ZNF177: variants seen among roughly 807,000 people sequenced by gnomAD.
The protein encoded by ZNF177 is zinc finger protein 177.
A neutral mutation model predicts 19.4 loss-of-function variants in ZNF177; 17 were observed. The ratio of observed to expected loss-of-function variants is 0.87; its 90% CI spans 0.60 to 1.31. The LOEUF (loss-of-function observed/expected upper bound fraction) is 1.31, where lower values mean the gene tolerates loss of function less well. Among genes scored for constraint, ZNF177 ranks in the 40% most tolerant of loss-of-function variants. The probability of loss-of-function intolerance (pLI) is 0.00; values close to 1 mark genes in which losing one functional copy is unlikely to be tolerated. For missense variants in ZNF177, 633 were observed against 561.8 expected (o/e 1.13, Z -1.28); for synonymous variants, 220 against 188.7 (o/e 1.17, Z -1.36).
chr19:9,371,410 G>C (rs1037935707), intron 2 of ZNF177, among the ~76,000 whole-genome samples: 4 of 151,904 alleles, frequency 2.6e-5, no homozygotes, highest in Non-Finnish European at 4.4e-5. Flanking sequence ...ATCATATATG[G>C]ATTTTGCTGA....
At chr19:9,382,390 A>G (rs2068215526), downstream of ZNF177, 1 of 398,908 alleles carries the variant, frequency 2.5e-6, no homozygotes, top group Non-Finnish European at 4.4e-6. Context: ...CCTAGAAAAT[A>G]TATACACCAA....
At chr19:9,382,353 A>G, downstream of ZNF177, 1 of 399,044 alleles carries the variant, frequency 2.5e-6, no homozygotes, top group East Asian at 3.6e-5. Flanking sequence ...TTTCTTAACT[A>G]TTTGCCCTTT....
At chr19:9,369,715 A>C (rs1456736357) in intron 2 of ZNF177, among the ~76,000 whole-genome samples, 1 of 151,466 alleles carries the variant, frequency 6.6e-6, no homozygotes, top group African/African-American at 2.4e-5. Flanking sequence ...TTTTTTTTTA[A>C]CCTAATTCCA....
intron 4 of ZNF177, 97 bp downstream of exon 6, chr19:9,379,716 C>T (rs962514601): frequency 2.9e-6 from 4 of 1,373,150 alleles, no homozygotes; most frequent in African/African-American, 1.5e-5. Context: ...GAGGCCATGA[C>T]ATGAGCTTCC....
At chr19:9,374,832 G>A (rs956397632), upstream of ZNF177, among the ~76,000 whole-genome samples, 1 of 151,846 alleles carries the variant, frequency 6.6e-6, no homozygotes. Context: ...CAACGTAGAC[G>A]CCTTTTGTTT....
chr19:9,366,580 AGT>A (rs2067983217), intron 2 of ZNF177, among the ~76,000 whole-genome samples: 1 of 152,176 alleles, frequency 6.6e-6, no homozygotes, highest in Non-Finnish European at 1.5e-5. Flanking sequence ...GTCAAATGAT[AGT>A]CCATTGTATG....
At chr19:9,380,997 T>A (rs773508886) in exon 6 of ZNF177, 56 of 1,568,578 alleles carry the variant, frequency 3.6e-5, no homozygotes, top group African/African-American at 6.8e-5. Flanking sequence ...GCTCAGTACG[T>A]GAGCAAATAC....
At chr19:9,366,697 T>TA (rs2067984900) in intron 2 of ZNF177, among the ~76,000 whole-genome samples, 1 of 152,218 alleles carries the variant, frequency 6.6e-6, no homozygotes, top group South Asian at 2.1e-4. Flanking sequence ...TTCTCTTGGG[T>TA]ATATACCTAG....
chr19:9,368,390 G>C (rs945523859), intron 2 of ZNF177, among the ~76,000 whole-genome samples: 4 of 152,100 alleles, frequency 2.6e-5, no homozygotes, highest in African/African-American at 9.7e-5. Context: ...TTTATTTCCT[G>C]AAAGTTTTGA....
At position 9,381,387 on chromosome 19, in the gene ZNF177, T is replaced by TTCATCCC; in HGVS notation, c.1058_1064dup (p.Gln356IlefsTer16). The TTCATCCC allele has an allele frequency of 6.2e-7, 1 of 1,612,528 alleles. No individual in the cohort carries two copies. Among genetic ancestry groups the TTCATCCC allele is most frequent in the Non-Finnish European group, 8.5e-7 (1 of 1,179,654 alleles). ...AATGTGGGAAGGCTTTCACTGTTCC[T>TTCATCCC]TCATCCCTTCAGAAACATGTGAGAA... is the stretch of plus-strand genomic sequence containing the variant. On this transcript the variant is annotated frameshift_variant, in exon 6 of 6. Transcript: ENST00000589262. LOFTEE classifies it low-confidence loss of function (END_TRUNC).
At chr19:9,372,551 T>TC (rs2068060267), upstream of ZNF177, among the ~76,000 whole-genome samples, 1 of 138,456 alleles carries the variant, frequency 7.2e-6, no homozygotes, top group Admixed American at 7.1e-5. Flanking sequence ...TTTTTTTTTT[T>TC]TTTTTTTTTT....
chr19:9,370,813 A>G (rs990227949), intron 2 of ZNF177, among the ~76,000 whole-genome samples: 12 of 152,082 alleles, frequency 7.9e-5, no homozygotes, highest in Non-Finnish European at 1.8e-4. Context: ...TTTTTTCCAC[A>G]TATTTTTGAT....
chr19:9,364,426 T>C (rs2067949331), intron 1 of ZNF177, among the ~76,000 whole-genome samples: 1 of 152,156 alleles, frequency 6.6e-6, no homozygotes, highest in Admixed American at 6.5e-5. Context: ...ATGCCTGCTA[T>C]TCCAGTACCG....
downstream of ZNF177, chr19:9,382,257 C>T (rs2068214201): frequency 2.5e-6 from 1 of 399,254 alleles, no homozygotes; most frequent in Non-Finnish European, 4.4e-6. Context: ...ATGTTCACAT[C>T]CCTAGCCCAT....
intron 2 of ZNF177, among the ~76,000 whole-genome samples, chr19:9,368,123 G>C (rs537183403): frequency 6.6e-6 from 1 of 152,250 alleles, no homozygotes; most frequent in South Asian, 2.1e-4. Flanking sequence ...TTTGTTTTCT[G>C]TTTTAAAAGA....
chr19:9,378,321 G>A, exon 2 of ZNF177: 1 of 1,613,694 alleles, frequency 6.2e-7, no homozygotes, highest in Non-Finnish European at 8.5e-7. Context: ...AATGGCTGCA[G>A]GGTGGCTGAC....
exon 6 of ZNF177, chr19:9,382,160 T>TTAAAG: frequency 2.5e-6 from 1 of 400,392 alleles, no homozygotes; most frequent in Non-Finnish European, 4.4e-6. Context: ...CCCTTCTTTC[T>TTAAAG]TAAAGTAATA....
At chr19:9,364,513 A>G (rs2067950761) in intron 1 of ZNF177, among the ~76,000 whole-genome samples, 1 of 152,170 alleles carries the variant, frequency 6.6e-6, no homozygotes. Flanking sequence ...TGTCGGTGTC[A>G]TGAGGGGAAC....
intron 2 of ZNF177, among the ~76,000 whole-genome samples, chr19:9,371,082 C>G (rs1379760609): frequency 6.6e-6 from 1 of 151,966 alleles, no homozygotes; most frequent in African/African-American, 2.4e-5. Context: ...CTGGGTTTTC[C>G]CCCCAGATTT....
Sources: gnomAD v4.1 joint callset for allele counts (sites outside exome capture counted in the v4.1 genomes callset) on GRCh38, gnomAD v4.1.1 for gene constraint, MANE v1.5 for transcripts, NCBI Gene and HGNC (gene_info 2026-07-23, HGNC 2026-07-21) for gene names.